B4GALNT3: variants seen among roughly 807,000 people sequenced by gnomAD.
B4GALNT3 encodes beta-1,4-N-acetyl-galactosaminyltransferase 3.
B4GALNT3 carries 86 observed loss-of-function variants against 120.2 expected under a neutral mutation model. The ratio of observed to expected loss-of-function variants is 0.72; its 90% CI spans 0.60 to 0.86. B4GALNT3 has a LOEUF of 0.86. B4GALNT3 is among the 40% of genes least tolerant of loss of function. The pLI, the probability that B4GALNT3 is intolerant of heterozygous loss-of-function variation, is 0.00. For missense variants in B4GALNT3, 1,167 were observed against 1,298.9 expected, an observed-to-expected ratio of 0.90 and a Z score of 1.56; for synonymous variants, 518 against 510.4, an observed-to-expected ratio of 1.01 and a Z score of -0.20.
chr12:493,129 C>T (rs1395622408), intron 1 of B4GALNT3, among the ~76,000 whole-genome samples: 1 of 151,966 alleles, frequency 6.6e-6, no homozygotes, highest in East Asian at 1.9e-4. Flanking sequence ...CTGCAAAAGA[C>T]AATGTCAAAA....
chr12:523,844 C>T (rs1410663092), intron 1 of B4GALNT3, among the ~76,000 whole-genome samples: 1 of 152,090 alleles, frequency 6.6e-6, no homozygotes, highest in South Asian at 2.1e-4. Context: ...AGGCGGCTCA[C>T]GAGGTCAGGA....
chr12:511,665 A>ACCTTCGACCTTCCG (rs1946564731), intron 1 of B4GALNT3, among the ~76,000 whole-genome samples: 1 of 10,820 alleles, frequency 9.2e-5, no homozygotes, highest in Non-Finnish European at 1.7e-4. Flanking sequence ...TCGAGCTTCC[A>ACCTTCGACCTTCCG]CCTTCCGCCT....
At position 557,554 on chromosome 12, in the gene B4GALNT3, C is replaced by T. The variant is rs200715617; in HGVS notation, c.2381-54C>T. 6.7e-5 allele frequency: 105 copies of T among 1,563,458 alleles called. 1 individual carries two copies. The South Asian group carries it at 9.1e-4, about 14-fold the overall frequency. On this transcript the variant is annotated intron_variant, in intron 15 of 19. Transcript: ENST00000266383. ...GGAGCTGGGGGTGGAGGCGCTCATC[C>T]GCTCATCTTTGCCTTGTCTGTGTTT...
At chr12:555,205 AAAAG>A (rs1268069487) in intron 14 of B4GALNT3, 2 of 329,244 alleles carry the variant, frequency 6.1e-6, no homozygotes, top group Non-Finnish European at 1.2e-5. Flanking sequence ...AAGAAAAAAA[AAAAG>A]AAACCGTATG....
chr12:508,470 T>G (rs185039150), intron 1 of B4GALNT3, among the ~76,000 whole-genome samples: 1 of 152,234 alleles, frequency 6.6e-6, no homozygotes, highest in Admixed American at 6.5e-5. Context: ...GTTATAGAGA[T>G]AGGGTCTTAC....
chr12:467,434 C>CTG (rs1020647472), intron 1 of B4GALNT3, among the ~76,000 whole-genome samples: 4 of 152,080 alleles, frequency 2.6e-5, no homozygotes, highest in African/African-American at 9.7e-5. Context: ...TGGTGTGTGC[C>CTG]TGTAGTCCCA....
At chr12:531,094 G>A (rs532963268) in intron 1 of B4GALNT3, among the ~76,000 whole-genome samples, 24 of 152,306 alleles carry the variant, frequency 1.6e-4, no homozygotes, top group African/African-American at 5.3e-4. Flanking sequence ...ACATTTTTCA[G>A]CTCCACATTC....
At chr12:473,729 T>A (rs1366175196) in intron 1 of B4GALNT3, among the ~76,000 whole-genome samples, 1 of 152,172 alleles carries the variant, frequency 6.6e-6, no homozygotes, top group East Asian at 1.9e-4. Flanking sequence ...ACTTGTTATA[T>A]GCCAGGCTAT....
intron 4 of B4GALNT3, among the ~76,000 whole-genome samples, chr12:544,661 G>T (rs770644869): frequency 1.3e-4 from 20 of 152,182 alleles, no homozygotes; most frequent in Non-Finnish European, 2.5e-4. Flanking sequence ...ACAATATAGT[G>T]TACCCAGGGC....
intron 1 of B4GALNT3, among the ~76,000 whole-genome samples, chr12:505,177 C>T (rs978550692): frequency 1.3e-5 from 2 of 152,198 alleles, no homozygotes; most frequent in Non-Finnish European, 2.9e-5. Context: ...CAGGCGTGAA[C>T]CACCACGCCT....
intron 13 of B4GALNT3, chr12:552,915 G>A (rs1028179253): frequency 1.5e-5 from 8 of 518,914 alleles, no homozygotes; most frequent in Non-Finnish European, 2.4e-5. Flanking sequence ...GGTCCCTCAG[G>A]TGCTATGCAC....
chr12:511,831 C>G (rs1269287044), intron 1 of B4GALNT3, among the ~76,000 whole-genome samples: 4 of 73,850 alleles, frequency 5.4e-5, no homozygotes, highest in African/African-American at 1.5e-4. Flanking sequence ...TTCCACCTTC[C>G]ACCTTCTTCC....
intron 1 of B4GALNT3, among the ~76,000 whole-genome samples, chr12:484,377 G>A (rs976608253): frequency 6.6e-6 from 1 of 152,220 alleles, no homozygotes; most frequent in African/African-American, 2.4e-5. Context: ...TATCTCTGGG[G>A]CCATCACCCT....
Position 558,411 on chromosome 12 carries a change from T to A in B4GALNT3, c.2608-97T>A, listed in dbSNP as rs1947185010. On this transcript the variant is annotated intron_variant, in intron 17 of 19. Transcript: ENST00000266383. ...GGTTTTGTGGGAGTTTGTGAATCAC[T>A]CCAATAGGGAAGACTCCGAGGCTTC... 5 of 1,194,516 alleles carry A rather than the reference T, an allele frequency of 4.2e-6. No homozygotes were observed. The South Asian group carries it at 6.7e-5, about 16-fold the overall frequency. 74.0% of individuals were successfully genotyped at this position (1,194,516 alleles called of 1,614,324 possible). A position where few individuals can be genotyped will look rare whatever the true frequency, so the allele number is the denominator to read the frequency against.
chr12:510,322 A>G (rs2120568927), intron 1 of B4GALNT3, among the ~76,000 whole-genome samples: 1 of 152,280 alleles, frequency 6.6e-6, no homozygotes, highest in South Asian at 2.1e-4. Context: ...AAGCAGTGGA[A>G]TAAGAAGACT....
At chr12:554,935 T>C (rs1947135360) in intron 14 of B4GALNT3, among the ~76,000 whole-genome samples, 2 of 152,082 alleles carry the variant, frequency 1.3e-5, no homozygotes, top group Admixed American at 1.3e-4. Flanking sequence ...CCCAACACTT[T>C]GGGAGACCGG....
chr12:467,562 A>C (rs926752227), intron 1 of B4GALNT3, among the ~76,000 whole-genome samples: 1 of 152,232 alleles, frequency 6.6e-6, no homozygotes, highest in Non-Finnish European at 1.5e-5. Context: ...GTCTTAAATA[A>C]ATAAATAAAC....
intron 1 of B4GALNT3, among the ~76,000 whole-genome samples, chr12:486,528 G>T (rs1000492982): frequency 6.6e-6 from 1 of 152,054 alleles, no homozygotes; most frequent in Non-Finnish European, 1.5e-5. Flanking sequence ...TCTTAACAAG[G>T]CCTGCCCTCA....
At chr12:546,572 G>A in intron 6 of B4GALNT3, 74 bp from the exon 7 acceptor site, 2 of 1,339,224 alleles carry the variant, frequency 1.5e-6, no homozygotes, top group African/African-American at 2.9e-5. Flanking sequence ...CTCCTTCCTG[G>A]TCTCGCACTC....
Sources: gnomAD v4.1 joint callset for allele counts (sites outside exome capture counted in the v4.1 genomes callset) on GRCh38, gnomAD v4.1.1 for gene constraint, MANE v1.5 for transcripts, NCBI Gene and HGNC (gene_info 2026-07-23, HGNC 2026-07-21) for gene names.